The following ZSWIM6 variants were observed in gnomAD, a reference collection of about 807,000 sequenced individuals.
The protein encoded by ZSWIM6 is zinc finger SWIM domain-containing protein 6.
A neutral mutation model predicts 113.2 loss-of-function variants in ZSWIM6; 9 were observed. The observed-to-expected ratio is 0.08, with a 90% CI of 0.05 to 0.14. The LOEUF (loss-of-function observed/expected upper bound fraction) is 0.14, where lower values mean the gene tolerates loss of function less well. ZSWIM6 is among the 10% of genes least tolerant of loss of function. The pLI is 1.00. For missense variants in ZSWIM6, 1,162 were observed against 1,552.2 expected (o/e 0.75, Z 4.22); for synonymous variants, 611 against 606.5 (o/e 1.01, Z -0.11).
In ZSWIM6 at chr5:61,545,947, T is replaced by G. The variant is rs1043766902; in HGVS notation, c.*1630T>G. Reference sequence around the variant, plus strand: ...CTTAGAGGTATGTTTGTAGGTATTTTTGTTTAGAAGAACTATTTCATGCGC... The same window carrying G: ...CTTAGAGGTATGTTTGTAGGTATTTGTGTTTAGAAGAACTATTTCATGCGC... On this transcript the variant is annotated 3_prime_UTR_variant, in exon 14 of 14. Coordinates refer to ENST00000252744, the MANE Select transcript of ZSWIM6 (RefSeq NM_020928.2). 4 of 152,190 alleles carry G rather than the reference T, an allele frequency of 2.6e-5. No individual in the cohort carries two copies. The highest frequency in any genetic ancestry group is 1.3e-4 in the Admixed American group (2 of 15,272). The allele number at this position is 152,190 out of a possible 1,614,324, so 9.4% of individuals were successfully genotyped here. A position where few individuals can be genotyped will look rare whatever the true frequency, so the allele number is the denominator to read the frequency against.
At chr5:61,471,041 G>A (rs961357844) in intron 1 of ZSWIM6, among the ~76,000 whole-genome samples, 9 of 152,166 alleles carry the variant, frequency 5.9e-5, no homozygotes, top group Admixed American at 1.3e-4. Context: ...TGCACCACCC[G>A]TTCCAGAGTC....
rs190453945 is a variant in ZSWIM6 at position 61,353,140 on chromosome 5, C to A, written c.676+20192C>A. On this transcript the variant is annotated intron_variant, in intron 1 of 13. Coordinates refer to ENST00000252744, the MANE Select transcript of ZSWIM6 (RefSeq NM_020928.2). The stretch of plus-strand genomic sequence containing the variant: ...GTAGAATGATCTGCCACATGAAAGT[C>A]ATTTCTGTCTCAAAGTGGTCTTGGA... Among the ~76,000 whole-genome samples, 19 of 152,258 alleles carry A rather than the reference C, an allele frequency of 1.2e-4. No homozygotes were observed. The East Asian group carries it at 3.1e-3, about 25-fold the overall frequency.
intron 4 of ZSWIM6, among the ~76,000 whole-genome samples, chr5:61,507,168 G>A (rs998088911): frequency 6.6e-6 from 1 of 152,086 alleles, no homozygotes; most frequent in African/African-American, 2.4e-5. Flanking sequence ...GTTTTCCTGG[G>A]ATATATGGAG....
chr5:61,378,985 G>A (rs1399441424), intron 1 of ZSWIM6, among the ~76,000 whole-genome samples: 1 of 151,996 alleles, frequency 6.6e-6, no homozygotes, highest in African/African-American at 2.4e-5. Context: ...TTCCAGACCA[G>A]CCTGGGTAAT....
intron 2 of ZSWIM6, among the ~76,000 whole-genome samples, chr5:61,477,715 T>C (rs999345485): frequency 2.6e-5 from 4 of 152,208 alleles, no homozygotes; most frequent in Non-Finnish European, 5.9e-5. Flanking sequence ...TATTCAGCAG[T>C]CCCATCTTCA....
chr5:61,512,142 C>G (rs918766895), intron 4 of ZSWIM6, among the ~76,000 whole-genome samples: 1 of 152,122 alleles, frequency 6.6e-6, no homozygotes, highest in African/African-American at 2.4e-5. Context: ...GTCCCAGTCC[C>G]TAGCAACCAC....
intron 1 of ZSWIM6, among the ~76,000 whole-genome samples, chr5:61,368,586 G>T (rs986718490): frequency 3.3e-5 from 5 of 152,174 alleles, no homozygotes; most frequent in Non-Finnish European, 7.4e-5. Context: ...TTGGGCTTTG[G>T]CTCAGTAGGA....
At chr5:61,507,112 C>G (rs1168330492) in intron 4 of ZSWIM6, among the ~76,000 whole-genome samples, 3 of 152,182 alleles carry the variant, frequency 2.0e-5, no homozygotes, top group African/African-American at 7.2e-5. Flanking sequence ...CCAGTCCCCA[C>G]TGTTAATGGC....
intron 1 of ZSWIM6, among the ~76,000 whole-genome samples, chr5:61,398,892 A>G (rs1745890382): frequency 7.1e-6 from 1 of 141,690 alleles, no homozygotes; most frequent in East Asian, 2.2e-4. Context: ...GGGCTGAAGG[A>G]GAGCAAGTTG....
At chr5:61,524,885 A>G (rs1218578259) in intron 5 of ZSWIM6, among the ~76,000 whole-genome samples, 1 of 152,234 alleles carries the variant, frequency 6.6e-6, no homozygotes, top group Non-Finnish European at 1.5e-5. Context: ...GTTGAAGGTA[A>G]GTTTAGAGTG....
intron 9 of ZSWIM6, 71 bp downstream of exon 9, chr5:61,531,796 A>T (rs1028438299): frequency 6.7e-7 from 1 of 1,497,826 alleles, no homozygotes; most frequent in African/African-American, 1.4e-5. Flanking sequence ...TTATGTTAAA[A>T]GTGCTATCTG....
chr5:61,450,877 C>G (rs957215497), intron 1 of ZSWIM6, among the ~76,000 whole-genome samples: 7 of 152,124 alleles, frequency 4.6e-5, no homozygotes, highest in African/African-American at 1.7e-4. Context: ...TTTGGGAATA[C>G]TTGAGTAGTC....
Position 61,544,316 on chromosome 5 carries a change from G to C in ZSWIM6, c.3647G>C (p.Ter1216SerextTer1). The C allele has an allele frequency of 9.8e-7, 1 of 1,023,148 alleles. No individual in the cohort carries two copies. Among genetic ancestry groups the C allele is most frequent in the Non-Finnish European group, 1.3e-6 (1 of 762,596 alleles). 63.4% of individuals were successfully genotyped at this position (1,023,148 alleles called of 1,614,324 possible). Reference protein sequence around the residue: ...LMMLVRERFG* With the variant: ...LMMLVRERFGS ...ATGTTGGTTCGGGAGAGGTTTGGTT[G>C]ATAGATCTTGTATGAATGGGGTGGG... Residue 1216 changes from the stop codon to serine (S), a stop_lost, in exon 14 of 14, where the codon TGA becomes TCA. Transcript: ENST00000252744.
chr5:61,522,294 A>G (rs1456727378), intron 5 of ZSWIM6, among the ~76,000 whole-genome samples: 12 of 152,148 alleles, frequency 7.9e-5, no homozygotes, highest in Non-Finnish European at 8.8e-5. Context: ...TAACTAATTC[A>G]TGACACTATT....
chr5:61,495,714 A>G (rs1748297747), intron 4 of ZSWIM6, among the ~76,000 whole-genome samples: 1 of 152,178 alleles, frequency 6.6e-6, no homozygotes, highest in African/African-American at 2.4e-5. Flanking sequence ...CATGGTTTAA[A>G]TAAGTATTTT....
chr5:61,421,477 T>C (rs563673279), intron 1 of ZSWIM6, among the ~76,000 whole-genome samples: 1 of 152,210 alleles, frequency 6.6e-6, no homozygotes, highest in Non-Finnish European at 1.5e-5. Flanking sequence ...CCATTGTGCA[T>C]ATGTATCACA....
chr5:61,532,576 A>C (rs1219965826), intron 9 of ZSWIM6, among the ~76,000 whole-genome samples: 2 of 152,224 alleles, frequency 1.3e-5, no homozygotes. Context: ...GAAGGGATTT[A>C]GATTTTCAGC....
At chr5:61,446,072 C>A (rs1052325312) in intron 1 of ZSWIM6, among the ~76,000 whole-genome samples, 1 of 152,140 alleles carries the variant, frequency 6.6e-6, no homozygotes, top group Non-Finnish European at 1.5e-5. Context: ...GTACTCTTGT[C>A]GCCAGGCTGA....
At chr5:61,502,630 T>TCC (rs1207507663) in intron 4 of ZSWIM6, among the ~76,000 whole-genome samples, 1 of 152,162 alleles carries the variant, frequency 6.6e-6, no homozygotes, top group Non-Finnish European at 1.5e-5. Context: ...AAACAGGGGT[T>TCC]CCCCCATCCC....
Sources: allele counts gnomAD v4.1 joint callset (sites outside exome capture counted in the v4.1 genomes callset), GRCh38; gene constraint gnomAD v4.1.1; transcripts MANE v1.5; gene names NCBI Gene and HGNC (gene_info 2026-07-23, HGNC 2026-07-21).